Variants in ANKRD30B observed in about 807,000 individuals in gnomAD.
ANKRD30B encodes ankyrin repeat domain-containing protein 30B.
In ANKRD30B, 144 loss-of-function variants were observed where a neutral mutation model predicts 202.2. The observed-to-expected ratio is 0.71, with a 90% CI of 0.62 to 0.82. ANKRD30B has a LOEUF of 0.82. ANKRD30B is among the 40% of genes least tolerant of loss of function. ANKRD30B has a pLI of 0.00. For synonymous variants in ANKRD30B, 508 were observed against 561.3 expected (o/e 0.91, Z 1.34); for missense variants, 1,487 against 1,669.1 (o/e 0.89, Z 1.90).
the ANKRD30B span, among the ~76,000 whole-genome samples, chr18:14,925,922 AG>A: frequency 6.6e-6 from 1 of 152,186 alleles, no homozygotes; most frequent in African/African-American, 2.4e-5. Context: ...GCTGCCACAG[AG>A]GGGGCGTTTG....
intron 16 of ANKRD30B, among the ~76,000 whole-genome samples, chr18:14,794,919 A>G (rs2143954063): frequency 6.6e-6 from 1 of 152,334 alleles, no homozygotes; most frequent in East Asian, 1.9e-4. Context: ...TTGTATTCAT[A>G]TTATTTGATG....
intron 41 of ANKRD30B, among the ~76,000 whole-genome samples, chr18:14,850,727 A>T (rs1438804532): frequency 2.6e-5 from 4 of 151,886 alleles, no homozygotes; most frequent in African/African-American, 7.2e-5. Flanking sequence ...AGCAAAAGTT[A>T]GTGTCGTAGT....
chr18:14,824,644 T>C (rs1251118532), intron 32 of ANKRD30B, among the ~76,000 whole-genome samples: 3 of 152,242 alleles, frequency 2.0e-5, no homozygotes, highest in African/African-American at 7.2e-5. Flanking sequence ...ATAATTTCTA[T>C]GCATTGGAAG....
intron 7 of ANKRD30B, among the ~76,000 whole-genome samples, chr18:14,766,609 G>T (rs555802111): frequency 5.3e-5 from 8 of 152,046 alleles, no homozygotes; most frequent in African/African-American, 1.4e-4. Context: ...CATTCATGTG[G>T]GATATTTTCT....
the ANKRD30B span, among the ~76,000 whole-genome samples, chr18:14,928,735 T>C: frequency 4.1e-4 from 62 of 152,304 alleles, no homozygotes; most frequent in Non-Finnish European, 8.2e-4. Context: ...CCTCCTCTAT[T>C]GGTACTGTTT....
chr18:14,757,787 A>G, intron 4 of ANKRD30B, 28 bp from the exon 5 acceptor site: 1 of 1,605,574 alleles, frequency 6.2e-7, no homozygotes, highest in Non-Finnish European at 8.5e-7. Flanking sequence ...GATTCTGCTC[A>G]TAATAAGTTA....
Position 14,752,921 on chromosome 18 carries a change from A to G in ANKRD30B, c.419A>G (p.Asn140Ser). Residue 140 changes from asparagine to serine, a missense_variant, in exon 3 of 44, where the codon AAC becomes AGC. Physicochemically the swap from Asn to Ser is conservative, Grantham distance 46. Coordinates refer to ENST00000690538, the MANE Select transcript of ANKRD30B (RefSeq NM_001367607.2). ...CTAAATTATGTAGATGTGTATGGCA[A>G]CACGGCTCTCCATTATGCCGTTTAT... ...ADLNYVDVYG[N>S]TALHYAVYSE... 6.2e-7 allele frequency: 1 copy of G among 1,605,112 alleles called. No individual in the cohort carries two copies. The highest frequency in any genetic ancestry group is 8.5e-7 in the Non-Finnish European group (1 of 1,175,140).
At chr18:14,864,957 C>T in the ANKRD30B span, among the ~76,000 whole-genome samples, 79,445 of 151,232 alleles carry the variant, frequency 0.53, 21,037 homozygotes, top group African/African-American at 0.55. Context: ...AAGCCTTCCC[C>T]GCTTCCCGCT....
chr18:14,877,990 C>T, the ANKRD30B span: 3 of 152,168 alleles, frequency 2.0e-5, no homozygotes, highest in Non-Finnish European at 4.4e-5. Context: ...CCTGCATCGC[C>T]TTAGGCATTT....
At chr18:14,877,380 T>C in the ANKRD30B span, among the ~76,000 whole-genome samples, 2 of 150,374 alleles carry the variant, frequency 1.3e-5, no homozygotes, top group Non-Finnish European at 2.9e-5. Flanking sequence ...CTAGTTGACT[T>C]TCTGGCCTTT....
chr18:14,919,412 C>A, the ANKRD30B span, among the ~76,000 whole-genome samples: 3 of 152,192 alleles, frequency 2.0e-5, no homozygotes, highest in African/African-American at 7.2e-5. Context: ...GCTCTCCCTG[C>A]TCTGGGCTGC....
chr18:14,872,866 A>T, the ANKRD30B span, among the ~76,000 whole-genome samples: 1 of 152,096 alleles, frequency 6.6e-6, no homozygotes, highest in Non-Finnish European at 1.5e-5. Flanking sequence ...ACAGGACCCC[A>T]CCTACTTTTC....
At chr18:14,912,099 G>C in the ANKRD30B span, among the ~76,000 whole-genome samples, 1 of 152,210 alleles carries the variant, frequency 6.6e-6, no homozygotes, top group East Asian at 1.9e-4. Context: ...TTTCTAGTTT[G>C]AATGTCTTTT....
chr18:14,769,223 C>A, intron 7 of ANKRD30B, 120 bp from the exon 8 acceptor site: 1 of 725,062 alleles, frequency 1.4e-6, no homozygotes, highest in South Asian at 2.1e-5. Context: ...CCTCCTGCCT[C>A]ACCTTCCCAA....
chr18:14,755,079 A>G (rs1241976032), intron 4 of ANKRD30B, 74 bp downstream of exon 4: 4 of 811,752 alleles, frequency 4.9e-6, no homozygotes, highest in Non-Finnish European at 7.1e-6. Flanking sequence ...AGTCAGAAAT[A>G]TTAAATTAAC....
chr18:14,937,872 G>A, the ANKRD30B span, among the ~76,000 whole-genome samples: 10 of 152,144 alleles, frequency 6.6e-5, no homozygotes, highest in Admixed American at 3.3e-4. Flanking sequence ...AAAAGCAAAG[G>A]CCCCTGGCGT....
the ANKRD30B span, among the ~76,000 whole-genome samples, chr18:14,898,938 T>G: frequency 6.6e-6 from 1 of 152,198 alleles, no homozygotes; most frequent in Non-Finnish European, 1.5e-5. Context: ...CCAGCTACAT[T>G]ATTTACTTAA....
chr18:14,855,693 C>G (rs901434058), downstream of ANKRD30B, among the ~76,000 whole-genome samples: 1 of 149,962 alleles, frequency 6.7e-6, no homozygotes, highest in African/African-American at 2.5e-5. Context: ...AGGCACTCCT[C>G]ACCTCCCAGA....
intron 4 of ANKRD30B, among the ~76,000 whole-genome samples, chr18:14,756,386 T>C (rs1400319647): frequency 3.9e-5 from 6 of 152,312 alleles, no homozygotes; most frequent in Non-Finnish European, 8.8e-5. Context: ...TTTCTTTTGC[T>C]GTGCAGAAGC....
Sources: gnomAD v4.1 joint callset for allele counts (sites outside exome capture counted in the v4.1 genomes callset) on GRCh38, gnomAD v4.1.1 for gene constraint, MANE v1.5 for transcripts, NCBI Gene and HGNC (gene_info 2026-07-23, HGNC 2026-07-21) for gene names.